RGS20: variants seen among roughly 807,000 people sequenced by gnomAD.
RGS20 encodes the protein regulator of G protein signaling 20.
In RGS20, 30 loss-of-function variants were observed where a neutral mutation model predicts 33.6. The ratio of observed to expected loss-of-function variants is 0.89; its 90% CI spans 0.67 to 1.21. The LOEUF is 1.21. RGS20 is among the 50% of genes most tolerant of loss of function. The pLI is 0.00. For missense variants in RGS20, 472 were observed against 502.4 expected (o/e 0.94, Z 0.58); for synonymous variants, 208 against 197.9 (o/e 1.05, Z -0.43).
intron 2 of RGS20, among the ~76,000 whole-genome samples, chr8:53,885,039 A>C (rs1812500811): frequency 6.6e-6 from 1 of 152,228 alleles, no homozygotes; most frequent in South Asian, 2.1e-4. Context: ...CTGGCTTTGA[A>C]GGTCTTTCCT....
chr8:53,866,686 A>G (rs1811926412), intron 1 of RGS20, among the ~76,000 whole-genome samples: 2 of 152,056 alleles, frequency 1.3e-5, no homozygotes, highest in South Asian at 4.1e-4. Flanking sequence ...CCAGCCTCAC[A>G]TTTACCTTTT....
In RGS20 at chr8:53,879,550, T is replaced by C; in HGVS notation, c.458T>C (p.Val153Ala). 1 of 1,540,294 alleles carries C rather than the reference T, an allele frequency of 6.5e-7. No homozygotes were observed. The highest frequency in any genetic ancestry group is 8.7e-7 in the Non-Finnish European group (1 of 1,143,622). Reference sequence around the variant, plus strand: ...CGTCCGCTGAGGCCCCCCCATCCGGTAGCCAAGCCCAGGGAAGAAGACGCC... The same window carrying C: ...CGTCCGCTGAGGCCCCCCCATCCGGCAGCCAAGCCCAGGGAAGAAGACGCC... The change falls in exon 2 of 6, where the codon GTA (valine) becomes GCA (alanine). Residue 153 changes from valine to alanine, a missense_variant. Transcript: ENST00000297313.
At chr8:53,882,285 TG>T (rs1020430279) in intron 2 of RGS20, among the ~76,000 whole-genome samples, 1 of 151,160 alleles carries the variant, frequency 6.6e-6, no homozygotes, top group African/African-American at 2.4e-5. Flanking sequence ...GGGGAGTGAG[TG>T]GGGAAGGGGC....
chr8:53,957,922 G>A (rs1055630495), intron 5 of RGS20, among the ~76,000 whole-genome samples: 23 of 152,062 alleles, frequency 1.5e-4, no homozygotes, highest in Non-Finnish European at 2.8e-4. Context: ...CGAGGCGGGC[G>A]GATAACCTGA....
intron 2 of RGS20, among the ~76,000 whole-genome samples, chr8:53,893,699 C>T (rs1167891447): frequency 6.6e-6 from 1 of 152,132 alleles, no homozygotes; most frequent in African/African-American, 2.4e-5. Context: ...TTTTGCCAAA[C>T]ACATAAGTTG....
Position 53,877,907 on chromosome 8 carries a change from A to G in RGS20, c.166-1351A>G, listed in dbSNP as rs1585876696. ...GACAATCGCTTCCCACAAGACTTCC[A>G]CCGCCGAAAGAATACAGGCCGGGCC... is the stretch of plus-strand genomic sequence containing the variant. On this transcript the variant is annotated intron_variant, in intron 1 of 5. Coordinates refer to ENST00000297313, the MANE Select transcript of RGS20 (RefSeq NM_170587.4). The surrounding 1 kb of genome is among the most constrained non-coding windows in gnomAD (Gnocchi z 5.7). Among the ~76,000 whole-genome samples, 1 of 152,258 alleles carries G rather than the reference A, an allele frequency of 6.6e-6. No homozygotes were observed. Among genetic ancestry groups the G allele is most frequent in the South Asian group, 2.1e-4 (1 of 4,826 alleles).
chr8:53,871,532 G>A (rs372563923), intron 1 of RGS20, among the ~76,000 whole-genome samples: 3 of 151,874 alleles, frequency 2.0e-5, no homozygotes, highest in African/African-American at 4.8e-5. Context: ...CAGGAGAATC[G>A]CTTGACCCTG....
rs192569737 is a variant in RGS20, at chr8:53,905,202, A to G, written c.510+25600A>G. ...TTCCAGTTGACTTCCCCTACTAGAA[A>G]ACAATGGACCAGCTTTTTCTTAAAA... On this transcript the variant is annotated intron_variant, in intron 2 of 5. Coordinates refer to ENST00000297313, the MANE Select transcript of RGS20 (RefSeq NM_170587.4). 3.4e-3 allele frequency among the ~76,000 whole-genome samples: 521 copies of G among 152,368 alleles called. 3 individuals carry two copies. Among genetic ancestry groups the G allele is most frequent in the Non-Finnish European group, 6.1e-3 (412 of 68,040 alleles).
At chr8:53,902,820 G>T (rs1311559202) in intron 2 of RGS20, among the ~76,000 whole-genome samples, 1 of 152,138 alleles carries the variant, frequency 6.6e-6, no homozygotes, top group Non-Finnish European at 1.5e-5. Flanking sequence ...CTGCCTCCCG[G>T]ATTCAAGTAA....
At chr8:53,871,112 CAAA>C (rs370091533) in intron 1 of RGS20, among the ~76,000 whole-genome samples, 3 of 21,466 alleles carry the variant, frequency 1.4e-4, no homozygotes, top group African/African-American at 3.3e-4. Flanking sequence ...CTCCATCTCA[CAAA>C]AAAAAAAAAA....
intron 2 of RGS20, among the ~76,000 whole-genome samples, chr8:53,902,247 G>A (rs187073180): frequency 4.3e-4 from 66 of 152,144 alleles, no homozygotes; most frequent in African/African-American, 1.4e-3. Context: ...AACTCCACCC[G>A]CTGTGTCCTC....
At chr8:53,878,334 CA>C in intron 1 of RGS20, among the ~76,000 whole-genome samples, 1 of 152,042 alleles carries the variant, frequency 6.6e-6, no homozygotes, top group African/African-American at 2.4e-5. Context: ...TAAATGAACT[CA>C]AAAAATAAAG....
At chr8:53,915,285 C>T (rs1303108484) in intron 2 of RGS20, among the ~76,000 whole-genome samples, 2 of 152,224 alleles carry the variant, frequency 1.3e-5, no homozygotes, top group African/African-American at 2.4e-5. Flanking sequence ...CTTCCAGTTC[C>T]TCTCTGCTTT....
chr8:53,904,075 AG>A, intron 2 of RGS20, among the ~76,000 whole-genome samples: 1 of 152,018 alleles, frequency 6.6e-6, no homozygotes, highest in East Asian at 1.9e-4. Flanking sequence ...CTGCTTACCA[AG>A]AGAGAAAAAA....
chr8:53,889,167 A>G (rs1346552426), intron 2 of RGS20, among the ~76,000 whole-genome samples: 3 of 152,156 alleles, frequency 2.0e-5, no homozygotes, highest in African/African-American at 7.2e-5. Context: ...CCCCACCAGC[A>G]AAGTGTGTAT....
At chr8:53,955,731 T>C (rs889313987) in intron 5 of RGS20, among the ~76,000 whole-genome samples, 1 of 152,126 alleles carries the variant, frequency 6.6e-6, no homozygotes, top group African/African-American at 2.4e-5. Context: ...CTCAGGAGAC[T>C]GAGGCAGGAG....
At chr8:53,879,660 T>G in intron 2 of RGS20, 3 of 1,319,578 alleles carry the variant, frequency 2.3e-6, no homozygotes, top group Non-Finnish European at 3.0e-6. Flanking sequence ...CACCAGCCTC[T>G]CCCGATTCTT....
intron 1 of RGS20, among the ~76,000 whole-genome samples, chr8:53,864,527 C>T (rs559844716): frequency 1.3e-5 from 2 of 152,054 alleles, no homozygotes; most frequent in South Asian, 2.1e-4. Flanking sequence ...TGCTGCCTCC[C>T]GGGAACCCCT....
intron 5 of RGS20, among the ~76,000 whole-genome samples, chr8:53,955,224 A>C (rs903284897): frequency 6.6e-6 from 1 of 151,274 alleles, no homozygotes; most frequent in South Asian, 2.1e-4. Flanking sequence ...GAGGGCTCCA[A>C]GTGTCCTCTG....
Sources: gnomAD v4.1 joint callset for allele counts (sites outside exome capture counted in the v4.1 genomes callset) on GRCh38, gnomAD v4.1.1 for gene constraint, Gnocchi (gnomAD v3.1) non-coding constraint, MANE v1.5 for transcripts, NCBI Gene and HGNC (gene_info 2026-07-23, HGNC 2026-07-21) for gene names.